NRCAM: variants seen among roughly 807,000 people sequenced by gnomAD.
The protein encoded by NRCAM is neuronal cell adhesion molecule.
Under a neutral mutation model 156.5 loss-of-function variants are expected in NRCAM, and 83 were observed. The ratio of observed to expected loss-of-function variants is 0.53; its 90% CI spans 0.44 to 0.64. The LOEUF is 0.64. Among genes scored for constraint, NRCAM ranks in the 30% least tolerant of loss-of-function variants. The probability of loss-of-function intolerance (pLI) is 0.00; values close to 1 mark genes in which losing one functional copy is unlikely to be tolerated. For missense variants in NRCAM, 1,417 were observed against 1,597.3 expected, an observed-to-expected ratio of 0.89 and a Z score of 1.92; for synonymous variants, 538 against 563.9, an observed-to-expected ratio of 0.95 and a Z score of 0.65.
At chr7:108,208,199 G>T (rs963461063) in intron 12 of NRCAM, among the ~76,000 whole-genome samples, 14 of 151,884 alleles carry the variant, frequency 9.2e-5, no homozygotes, top group Non-Finnish European at 5.9e-5. Flanking sequence ...CCACCTACTT[G>T]GGAGGCTGAG....
chr7:108,387,091 A>G (rs2099743086), intron 2 of NRCAM, among the ~76,000 whole-genome samples: 2 of 152,104 alleles, frequency 1.3e-5, no homozygotes, highest in South Asian at 4.1e-4. Context: ...TATCCTCCTC[A>G]CAAAAGGCTT....
At chr7:108,199,870 C>T (rs1017682479) in intron 13 of NRCAM, among the ~76,000 whole-genome samples, 1 of 152,162 alleles carries the variant, frequency 6.6e-6, no homozygotes, top group African/African-American at 2.4e-5. Context: ...AGGGATTATT[C>T]TGTCTACCAC....
intron 3 of NRCAM, among the ~76,000 whole-genome samples, chr7:108,245,287 T>C (rs185315041): frequency 1.1e-3 from 171 of 152,234 alleles, no homozygotes; most frequent in African/African-American, 3.9e-3. Flanking sequence ...ATTTTTTAAT[T>C]AGTCAATAAG....
intron 3 of NRCAM, among the ~76,000 whole-genome samples, chr7:108,241,877 T>A (rs1033059311): frequency 1.3e-5 from 2 of 152,178 alleles, no homozygotes; most frequent in Non-Finnish European, 2.9e-5. Flanking sequence ...GCTTAAATGT[T>A]AAAAGGAAAA....
rs149909769 is a variant in NRCAM at position 108,375,321 on chromosome 7, A to C, written c.-174+24115T>G. 2.7e-3 allele frequency among the ~76,000 whole-genome samples: 409 copies of C among 149,636 alleles called. 1 individual carries two copies. Among genetic ancestry groups the C allele is most frequent in the African/African-American group, 9.4e-3 (390 of 41,358 alleles). On this transcript the variant is annotated intron_variant, in intron 2 of 32. Transcript: ENST00000379028. Reference sequence around the variant, plus strand: ...TACTGAAAGCACCACTCTCTCCCCCAAAAATAATTAATAATGATTTTTAAA... The same window carrying C: ...TACTGAAAGCACCACTCTCTCCCCCCAAAATAATTAATAATGATTTTTAAA...
At chr7:108,283,404 G>C (rs1362888040) in intron 3 of NRCAM, among the ~76,000 whole-genome samples, 1 of 152,210 alleles carries the variant, frequency 6.6e-6, no homozygotes, top group Non-Finnish European at 1.5e-5. Context: ...TGATTGCCAA[G>C]GAAAGGGAGA....
chr7:108,352,992 C>A (rs565404160), intron 2 of NRCAM, among the ~76,000 whole-genome samples: 75 of 152,094 alleles, frequency 4.9e-4, no homozygotes, highest in African/African-American at 1.7e-3. Flanking sequence ...TTACACCAAG[C>A]CACTATTTTT....
At chr7:108,432,815 T>C (rs1161674974) in intron 1 of NRCAM, among the ~76,000 whole-genome samples, 1 of 151,808 alleles carries the variant, frequency 6.6e-6, no homozygotes, top group Non-Finnish European at 1.5e-5. Flanking sequence ...GACAGGAGGA[T>C]GGCTGGAACC....
At chr7:108,377,928 C>T (rs973407936) in intron 2 of NRCAM, among the ~76,000 whole-genome samples, 2 of 152,172 alleles carry the variant, frequency 1.3e-5, no homozygotes, top group Non-Finnish European at 2.9e-5. Flanking sequence ...GACATCCCCC[C>T]ACCTTGCAAA....
intron 2 of NRCAM, among the ~76,000 whole-genome samples, chr7:108,348,558 T>C (rs750407445): frequency 2.6e-5 from 4 of 151,996 alleles, no homozygotes; most frequent in Non-Finnish European, 4.4e-5. Context: ...AAAAAGTTAC[T>C]AGGGTATTAA....
intron 11 of NRCAM, among the ~76,000 whole-genome samples, chr7:108,216,846 A>G (rs1416957670): frequency 3.3e-5 from 5 of 152,230 alleles, no homozygotes; most frequent in Non-Finnish European, 5.9e-5. Context: ...GCTTCCTTGC[A>G]TTGGGTTAGA....
At chr7:108,188,908 C>G (rs1314843398) in intron 20 of NRCAM, among the ~76,000 whole-genome samples, 2 of 150,302 alleles carry the variant, frequency 1.3e-5, no homozygotes, top group Admixed American at 6.7e-5. Context: ...AATTGTCTTC[C>G]TGCGGTATAT....
chr7:108,294,207 T>G lies in NRCAM; in HGVS notation c.-107+18458A>C, dbSNP rs1236965873. Among the ~76,000 whole-genome samples the G allele has an allele frequency of 2.7e-4, 40 of 145,514 alleles. 1 individual carries two copies. Among genetic ancestry groups the G allele is most frequent in the South Asian group, 6.6e-4 (3 of 4,552 alleles). On this transcript the variant is annotated intron_variant, in intron 3 of 32. Transcript: ENST00000379028. Reference sequence around the variant, plus strand: ...TTTCTTTACTGGTTTTTTTTTTTTTTTTTTTTTTTTTTTCCTTTTTTGAGA... The same window carrying G: ...TTTCTTTACTGGTTTTTTTTTTTTTGTTTTTTTTTTTTTCCTTTTTTGAGA...
At position 108,333,242 on chromosome 7, in the gene NRCAM, TCCTA is replaced by T. The variant is rs1170228990; in HGVS notation, c.-173-20515_-173-20512del. 2.1e-4 allele frequency among the ~76,000 whole-genome samples: 32 copies of T among 152,178 alleles called. 1 individual carries two copies. Among genetic ancestry groups the T allele is most frequent in the Non-Finnish European group, 1.5e-5 (1 of 68,004 alleles). ...TGTGTTCAAGTACTGAGGTAATTTT[TCCTA>T]CCTCTTTCTCATCATATATTTAAAC... is the stretch of plus-strand genomic sequence containing the variant. On this transcript the variant is annotated intron_variant, in intron 2 of 32. Transcript: ENST00000379028.
At chr7:108,449,120 T>C (rs1847620273) in intron 1 of NRCAM, among the ~76,000 whole-genome samples, 1 of 152,218 alleles carries the variant, frequency 6.6e-6, no homozygotes, top group African/African-American at 2.4e-5. Context: ...CTGAACTTCC[T>C]ACAGTTTTAA....
At chr7:108,272,823 T>C (rs1195528502) in intron 3 of NRCAM, among the ~76,000 whole-genome samples, 1 of 152,130 alleles carries the variant, frequency 6.6e-6, no homozygotes, top group African/African-American at 2.4e-5. Context: ...TACATAGGTA[T>C]ATATGTGCCA....
At position 108,393,075 on chromosome 7, in the gene NRCAM, C is replaced by T. The variant is rs1369370815; in HGVS notation, c.-174+6361G>A. Reference sequence around the variant, plus strand: ...ATCTCAAACTCTGTGCTGGGAGAACCACTACTCTCTTCAAAGCTGTCAGAC... The same window carrying T: ...ATCTCAAACTCTGTGCTGGGAGAACTACTACTCTCTTCAAAGCTGTCAGAC... On this transcript the variant is annotated intron_variant, in intron 2 of 32. Transcript: ENST00000379028. 9.9e-5 allele frequency among the ~76,000 whole-genome samples: 15 copies of T among 152,246 alleles called. No homozygotes were observed. The East Asian group carries it at 2.9e-3, about 29-fold the overall frequency.
At chr7:108,269,267 T>C (rs1457972811) in intron 3 of NRCAM, among the ~76,000 whole-genome samples, 2 of 152,210 alleles carry the variant, frequency 1.3e-5, no homozygotes, top group Non-Finnish European at 2.9e-5. Context: ...TTGCTGATTT[T>C]TCCCTTTTGT....
intron 30 of NRCAM, among the ~76,000 whole-genome samples, chr7:108,164,933 G>A (rs983883513): frequency 2.0e-5 from 3 of 152,202 alleles, no homozygotes; most frequent in African/African-American, 7.2e-5. Context: ...ACTGCTGAGT[G>A]AAAAATAATT....
Sources: allele counts gnomAD v4.1 joint callset (sites outside exome capture counted in the v4.1 genomes callset), GRCh38; gene constraint gnomAD v4.1.1; transcripts MANE v1.5; gene names NCBI Gene and HGNC (gene_info 2026-07-23, HGNC 2026-07-21).